MED24: variants seen among roughly 807,000 people sequenced by gnomAD.
The protein encoded by MED24 is mediator complex subunit 24.
Under a neutral mutation model 118.8 loss-of-function variants are expected in MED24, and 74 were observed. The observed-to-expected ratio is 0.62, with a 90% CI of 0.52 to 0.76. MED24 has a LOEUF of 0.76. Among genes scored for constraint, MED24 ranks in the 30% least tolerant of loss-of-function variants. The probability of loss-of-function intolerance (pLI) is 0.00; values close to 1 mark genes in which losing one functional copy is unlikely to be tolerated. For synonymous variants in MED24, 521 were observed against 523.9 expected (o/e 0.99, Z 0.08); for missense variants, 1,041 against 1,278.9 (o/e 0.81, Z 2.84).
chr17:40,029,855 C>T lies in MED24; in HGVS notation c.1159G>A (p.Ala387Thr). The T allele has an allele frequency of 6.2e-7, 1 of 1,613,966 alleles. No homozygotes were observed. Among genetic ancestry groups the T allele is most frequent in the Non-Finnish European group, 8.5e-7 (1 of 1,179,894 alleles). Residue 387 changes from alanine (A) to threonine (T), a missense_variant, in exon 13 of 26, where the codon GCG becomes ACG. Physicochemically the swap from Ala to Thr is moderately conservative, Grantham distance 58. This residue lies in a region of MED24 where 434 missense variants were observed against 514.9 expected (regional missense o/e 0.84). Transcript: ENST00000394128. ...TGCTGGGGTGCGTGCTCTCGGTCCGCTTTGCTGTGGACATCACCAGTTGGC... is the reference window on the plus strand; with the variant it reads ...TGCTGGGGTGCGTGCTCTCGGTCCGTTTTGCTGTGGACATCACCAGTTGGC... ...SVNNLMAKRK[A>T]DREHAPQQKS...
At chr17:40,035,688 A>G (rs758412564) in intron 5 of MED24, 34 bp downstream of exon 5, 5 of 1,600,136 alleles carry the variant, frequency 3.1e-6, no homozygotes, top group Non-Finnish European at 4.3e-6. Context: ...AGGCTGGAAC[A>G]TTGTATTGTG....
chr17:40,020,223 A>G (rs9899955), intron 24 of MED24, 50 bp downstream of exon 24: 1,318,751 of 1,443,258 alleles, frequency 0.91, 603,762 homozygotes, highest in Non-Finnish European at 0.93. Context: ...ATGAGAAGAG[A>G]GACTCGTCCA....
chr17:40,046,127 C>T (rs542099718), intron 3 of MED24, among the ~76,000 whole-genome samples: 1 of 146,934 alleles, frequency 6.8e-6, no homozygotes, highest in Non-Finnish European at 1.5e-5. Context: ...CACTGTTGCC[C>T]AGGCTGGAGC....
At chr17:40,038,278 AT>A (rs1984176664) in intron 3 of MED24, among the ~76,000 whole-genome samples, 1 of 152,172 alleles carries the variant, frequency 6.6e-6, no homozygotes, top group African/African-American at 2.4e-5. Flanking sequence ...GAACAGATGA[AT>A]TCTACTAACT....
intron 8 of MED24, 135 bp downstream of exon 8, chr17:40,032,921 C>T (rs1333631461): frequency 4.4e-6 from 6 of 1,376,910 alleles, no homozygotes; most frequent in Non-Finnish European, 5.0e-6. Flanking sequence ...CAGAAGTGTG[C>T]ACGACTGGCA....
intron 19 of MED24, 89 bp from the exon 20 acceptor site, chr17:40,023,484 G>A: frequency 1.5e-6 from 2 of 1,321,544 alleles, no homozygotes; most frequent in Non-Finnish European, 2.1e-6. Context: ...ACTTTCCCTT[G>A]GACTTAGGTT....
chr17:40,028,197 C>A (rs1223610669), intron 14 of MED24: 2 of 418,764 alleles, frequency 4.8e-6, no homozygotes, highest in Non-Finnish European at 4.4e-6. Context: ...CTCACTGCAA[C>A]CTCCGCCTCT....
In MED24 at chr17:40,035,381, TC is replaced by T. The variant is rs759436576; in HGVS notation, c.327-33del. 7.1e-6 allele frequency: 11 copies of T among 1,544,216 alleles called. No individual in the cohort carries two copies. In the Admixed American group the frequency reaches 7.7e-5, roughly 11 times the overall value. ...GGAAGGATGCAAAATCAGACTCTGT[TC>T]TTCCAATGGCTGAAATCCGACCCAC... On this transcript the variant is annotated intron_variant, in intron 5 of 25. Coordinates refer to ENST00000394128, the MANE Select transcript of MED24 (RefSeq NM_014815.4).
Position 40,031,563 on chromosome 17 carries a change from A to C in MED24, c.1042T>G (p.Leu348Val). 6.2e-7 allele frequency: 1 copy of C among 1,614,192 alleles called. No homozygotes were observed. The highest frequency in any genetic ancestry group is 8.5e-7 in the Non-Finnish European group (1 of 1,180,000). ...FEFLLKLTPL[L>V]DKADQRCNCD... ...TTGCAGCGCTGGTCAGCTTTGTCCAACAAGGGGGTGAGCTTCAGCAGGAAC... is the reference window on the plus strand; with the variant it reads ...TTGCAGCGCTGGTCAGCTTTGTCCACCAAGGGGGTGAGCTTCAGCAGGAAC... Residue 348 changes from leucine (L) to valine (V), a missense_variant, in exon 11 of 26, where the codon TTG becomes GTG. Leu to Val is a conservative substitution (Grantham distance 32). This residue lies in a region of MED24 where 434 missense variants were observed against 514.9 expected (regional missense o/e 0.84). Transcript: ENST00000394128.
intron 19 of MED24, among the ~76,000 whole-genome samples, chr17:40,025,296 T>C (rs1403667410): frequency 2.0e-5 from 3 of 152,202 alleles, no homozygotes; most frequent in East Asian, 3.9e-4. Context: ...GGCAATATAG[T>C]GAGACCCTGT....
intron 3 of MED24, among the ~76,000 whole-genome samples, chr17:40,050,094 T>C (rs375316809): frequency 8.5e-4 from 115 of 135,596 alleles, no homozygotes; most frequent in African/African-American, 3.2e-3. Context: ...GAGGTTGCAG[T>C]GAGCCGAGAT....
At chr17:40,024,993 C>T (rs1982474822) in intron 19 of MED24, among the ~76,000 whole-genome samples, 1 of 152,170 alleles carries the variant, frequency 6.6e-6, no homozygotes, top group Admixed American at 6.5e-5. Flanking sequence ...ACCTCAGCCT[C>T]CCAAAGTGCT....
chr17:40,049,160 G>C (rs1292524915), intron 3 of MED24, among the ~76,000 whole-genome samples: 1 of 152,078 alleles, frequency 6.6e-6, no homozygotes, highest in Non-Finnish European at 1.5e-5. Flanking sequence ...GGGCAACATA[G>C]TGAGACCCCG....
In MED24 at chr17:40,044,739, C is replaced by T. The variant is rs182261859; in HGVS notation, c.213+8559G>A. Among the ~76,000 whole-genome samples the T allele has an allele frequency of 2.9e-3, 438 of 151,690 alleles. 3 individuals are homozygous for T. Among genetic ancestry groups the T allele is most frequent in the African/African-American group, 0.01 (431 of 41,358 alleles). ...ACTAAAAATACAAAAATTAGCCAGGCGTGGTCGTGGGCACCTGTAGTCCCA... is the reference window on the plus strand; with the variant it reads ...ACTAAAAATACAAAAATTAGCCAGGTGTGGTCGTGGGCACCTGTAGTCCCA... On this transcript the variant is annotated intron_variant, in intron 3 of 25. Coordinates refer to ENST00000394128, the MANE Select transcript of MED24 (RefSeq NM_014815.4).
At chr17:40,040,448 A>C (rs1052316285) in intron 3 of MED24, among the ~76,000 whole-genome samples, 1 of 151,928 alleles carries the variant, frequency 6.6e-6, no homozygotes, top group Non-Finnish European at 1.5e-5. Context: ...ATTCCTGGTC[A>C]AGTGAGTTGC....
intron 15 of MED24, 128 bp downstream of exon 15, chr17:40,027,781 G>T: frequency 9.6e-7 from 1 of 1,041,342 alleles, no homozygotes; most frequent in Non-Finnish European, 1.5e-6. Flanking sequence ...AGCTTCCATT[G>T]GTCATGGCTC....
At chr17:40,029,399 C>T (rs930569601) in intron 13 of MED24, among the ~76,000 whole-genome samples, 9 of 152,234 alleles carry the variant, frequency 5.9e-5, no homozygotes, top group South Asian at 2.1e-4. Flanking sequence ...GGTTTCACCA[C>T]GCTGGCCAAG....
At position 40,031,216 on chromosome 17, in the gene MED24, T is replaced by A. The variant is rs928503339; in HGVS notation, c.1097A>T (p.Glu366Val). Residue 366 changes from glutamate (E) to valine (V), a missense_variant, in exon 12 of 26, where the codon GAA becomes GTA. Transcript: ENST00000394128. ...AGACAGAAGCCCCTGCTTGCCACAT[T>A]CTTGGAGCAGGAAGTTTGTACAGTC... ...NCDCTNFLLQECGKQGLLSEA... is the reference protein window; with the variant it reads ...NCDCTNFLLQVCGKQGLLSEA... 4 of 1,572,240 alleles carry A rather than the reference T, an allele frequency of 2.5e-6. No individual in the cohort carries two copies. The highest frequency in any genetic ancestry group is 3.5e-6 in the Non-Finnish European group (4 of 1,157,614).
In MED24 at chr17:40,033,339, C is replaced by T. The variant is rs118165162; in HGVS notation, c.671+6G>A. 5.5e-5 allele frequency: 88 copies of T among 1,612,874 alleles called. No individual in the cohort carries two copies. Among genetic ancestry groups the T allele is most frequent in the Admixed American group, 2.2e-4 (13 of 59,930 alleles). On this transcript the variant is annotated splice_donor_region_variant and intron_variant, in intron 7 of 25. Coordinates refer to ENST00000394128, the MANE Select transcript of MED24 (RefSeq NM_014815.4). This position sits in a 1 kb window ranked among gnomAD's most constrained non-coding sequence, Gnocchi z 5.2. ...CCTTCTCCACCATCCCCCAGGGAGC[C>T]GGTACCTCCTAATGAGGGTGCCACA... is the stretch of plus-strand genomic sequence containing the variant.
Sources: gnomAD v4.1 joint callset for allele counts (sites outside exome capture counted in the v4.1 genomes callset) on GRCh38, gnomAD v4.1.1 for gene constraint, gnomAD v4.1.1 regional missense constraint, Gnocchi (gnomAD v3.1) non-coding constraint, MANE v1.5 for transcripts, NCBI Gene and HGNC (gene_info 2026-07-23, HGNC 2026-07-21) for gene names.